LRRC3C: variants seen among roughly 807,000 people sequenced by gnomAD.
The protein encoded by LRRC3C is leucine rich repeat containing 3C.
Under a neutral mutation model 14.8 loss-of-function variants are expected in LRRC3C, and 11 were observed. The observed-to-expected ratio is 0.74, with a 90% CI of 0.47 to 1.23. The LOEUF (loss-of-function observed/expected upper bound fraction) is 1.23, where lower values mean the gene tolerates loss of function less well. LRRC3C is among the 50% of genes most tolerant of loss of function. LRRC3C has a pLI of 0.00. For synonymous variants in LRRC3C, 149 were observed against 161.5 expected (o/e 0.92, Z 0.59); for missense variants, 354 against 361.8 (o/e 0.98, Z 0.18).
At chr17:39,941,678 A>G (rs778123382) in intron 3 of LRRC3C, 129 bp downstream of exon 3, 4 of 790,720 alleles carry the variant, frequency 5.1e-6, no homozygotes, top group Non-Finnish European at 8.2e-6. Flanking sequence ...CTCAACGTGC[A>G]AGGATGTAGG....
intron 1 of LRRC3C, among the ~76,000 whole-genome samples, chr17:39,931,252 T>C (rs1978642519): frequency 6.6e-6 from 1 of 151,458 alleles, no homozygotes; most frequent in Non-Finnish European, 1.5e-5. Flanking sequence ...GAGACCAGCC[T>C]GGCCAGCATG....
chr17:39,930,009 G>A (rs749831703), intron 1 of LRRC3C, among the ~76,000 whole-genome samples: 9 of 152,098 alleles, frequency 5.9e-5, no homozygotes, highest in Non-Finnish European at 1.3e-4. Flanking sequence ...TAAAACTGGG[G>A]CCAGGTATGG....
chr17:39,940,856 C>T (rs1468007169), intron 2 of LRRC3C, among the ~76,000 whole-genome samples: 1 of 152,160 alleles, frequency 6.6e-6, no homozygotes, highest in African/African-American at 2.4e-5. Flanking sequence ...ATTCTCGTGC[C>T]TCAGCCTCCC....
intron 2 of LRRC3C, among the ~76,000 whole-genome samples, chr17:39,936,165 G>A (rs990728717): frequency 6.6e-6 from 1 of 152,206 alleles, no homozygotes. Flanking sequence ...TGGGAGCCAG[G>A]GCCCTGCCAT....
In LRRC3C at chr17:39,930,800, T is replaced by C. The variant is rs1043390120; in HGVS notation, c.-175+2986T>C. 7.3e-5 allele frequency among the ~76,000 whole-genome samples: 11 copies of C among 150,484 alleles called. No homozygotes were observed. The East Asian group carries it at 2.1e-3, about 29-fold the overall frequency. ...TTCAACGATATTAAGGAATTCTAAA[T>C]GTTTAGGCGTGATATGGAATTGTGG... On this transcript the variant is annotated intron_variant, in intron 1 of 3. Transcript: ENST00000377924.
chr17:39,938,270 A>G (rs549115805), intron 2 of LRRC3C, among the ~76,000 whole-genome samples: 11 of 152,162 alleles, frequency 7.2e-5, no homozygotes, highest in Non-Finnish European at 1.5e-4. Context: ...TTTCTCACGT[A>G]TTGAGTCTAG....
intron 1 of LRRC3C, among the ~76,000 whole-genome samples, chr17:39,930,392 A>G (rs939070706): frequency 8.1e-6 from 1 of 123,598 alleles, no homozygotes; most frequent in African/African-American, 3.1e-5. Flanking sequence ...AAGCAAACTG[A>G]CTTTAAAAAA....
chr17:39,936,020 A>G, intron 2 of LRRC3C, 126 bp downstream of exon 2: 1 of 333,548 alleles, frequency 3.0e-6, no homozygotes, highest in Non-Finnish European at 4.3e-6. Flanking sequence ...AGGGAAGGGG[A>G]TGGAGGCCTG....
intron 2 of LRRC3C, 57 bp downstream of exon 2, chr17:39,935,951 C>A (rs1978784487): frequency 1.1e-6 from 1 of 932,366 alleles, no homozygotes; most frequent in African/African-American, 1.8e-5. Context: ...ATCTATCTAT[C>A]TTTTTCCTTT....
Position 39,944,370 on chromosome 17 carries a change from T to C in LRRC3C, c.464T>C (p.Val155Ala). ...VEAFVGLQIQVNLSANPWHCD... is the reference protein window; with the variant it reads ...VEAFVGLQIQANLSANPWHCD... ...GCCTTTGTGGGGCTACAGATCCAAG[T>C]GAACCTATCCGCAAACCCATGGCAC... The change falls in exon 4 of 4, where the codon GTG becomes GCG. Residue 155 changes from valine to alanine, a missense_variant. Val to Ala is a moderately conservative substitution (Grantham distance 64). Transcript: ENST00000377924. 1 of 1,531,298 alleles carries C rather than the reference T, an allele frequency of 6.5e-7. No individual in the cohort carries two copies. The highest frequency in any genetic ancestry group is 8.7e-7 in the Non-Finnish European group (1 of 1,144,872). The allele number at this position is 1,531,298 out of a possible 1,614,324, so 94.9% of individuals were successfully genotyped here. A position where few individuals can be genotyped will look rare whatever the true frequency, so the allele number is the denominator to read the frequency against.
At chr17:39,930,004 C>G (rs1978601013) in intron 1 of LRRC3C, among the ~76,000 whole-genome samples, 1 of 152,010 alleles carries the variant, frequency 6.6e-6, no homozygotes, top group Non-Finnish European at 1.5e-5. Flanking sequence ...ACAAATAAAA[C>G]TGGGGCCAGG....
chr17:39,933,323 C>G (rs186358441), intron 1 of LRRC3C, among the ~76,000 whole-genome samples: 2 of 152,018 alleles, frequency 1.3e-5, no homozygotes, highest in African/African-American at 2.4e-5. Context: ...GAGTGGTGAT[C>G]GGGCCTCTGC....
intron 2 of LRRC3C, among the ~76,000 whole-genome samples, chr17:39,936,571 G>A (rs1202056146): frequency 2.6e-5 from 4 of 151,848 alleles, no homozygotes; most frequent in Admixed American, 1.3e-4. Context: ...GGGAAGTCGA[G>A]GAGGGTGGAT....
chr17:39,936,650 A>AC (rs1491148451), intron 2 of LRRC3C, among the ~76,000 whole-genome samples: 1 of 73,244 alleles, frequency 1.4e-5, no homozygotes, highest in Non-Finnish European at 2.8e-5. Flanking sequence ...ACAAAAATAC[A>AC]AAAAAAAAAA....
At chr17:39,940,649 T>C (rs887443694) in intron 2 of LRRC3C, among the ~76,000 whole-genome samples, 3 of 151,776 alleles carry the variant, frequency 2.0e-5, no homozygotes, top group Non-Finnish European at 2.9e-5. Flanking sequence ...GAGGTTTCAC[T>C]ATGTTGCACA....
chr17:39,932,896 G>A (rs1054034124), intron 1 of LRRC3C, among the ~76,000 whole-genome samples: 2 of 151,032 alleles, frequency 1.3e-5, no homozygotes, highest in Non-Finnish European at 3.0e-5. Context: ...TACTAAAAAT[G>A]CAAAAATTAG....
intron 1 of LRRC3C, among the ~76,000 whole-genome samples, chr17:39,935,163 C>G (rs1257166776): frequency 6.6e-6 from 1 of 152,174 alleles, no homozygotes; most frequent in Non-Finnish European, 1.5e-5. Flanking sequence ...CGGAGTTGCT[C>G]TGGTTCACAC....
chr17:39,938,532 T>C (rs1343307734), intron 2 of LRRC3C, among the ~76,000 whole-genome samples: 1 of 77,942 alleles, frequency 1.3e-5, no homozygotes, highest in Non-Finnish European at 2.5e-5. Context: ...CCCTCATCTC[T>C]ACAAAAAAAA....
At chr17:39,943,838 A>G in intron 3 of LRRC3C, 95 bp from the exon 4 acceptor site, 1 of 1,256,116 alleles carries the variant, frequency 8.0e-7, no homozygotes, top group South Asian at 1.4e-5. Flanking sequence ...CAGCCCAAAA[A>G]GACTCCCCAG....
Sources: gnomAD v4.1 joint callset for allele counts (sites outside exome capture counted in the v4.1 genomes callset) on GRCh38, gnomAD v4.1.1 for gene constraint, MANE v1.5 for transcripts, NCBI Gene and HGNC (gene_info 2026-07-23, HGNC 2026-07-21) for gene names.